Variants in MARCHF1 observed in about 807,000 individuals in gnomAD.
MARCHF1 encodes the protein E3 ubiquitin-protein ligase MARCHF1.
MARCHF1 carries 40 observed loss-of-function variants against 54.2 expected under a neutral mutation model. That is an observed-to-expected ratio of 0.74 (90% confidence interval 0.57 to 0.96). The LOEUF is 0.96. Among genes scored for constraint, MARCHF1 ranks in the 40% least tolerant of loss-of-function variants. The probability of loss-of-function intolerance (pLI) is 0.00; values close to 1 mark genes in which losing one functional copy is unlikely to be tolerated. For missense variants in MARCHF1, 586 were observed against 656.5 expected (o/e 0.89, Z 1.17); for synonymous variants, 236 against 236.3 (o/e 1.00, Z 0.01).
intron 1 of MARCHF1, among the ~76,000 whole-genome samples, chr4:164,332,934 TACAA>T (rs1421507447): frequency 6.6e-6 from 1 of 152,152 alleles, no homozygotes; most frequent in Non-Finnish European, 1.5e-5. Flanking sequence ...AATGAAAGTA[TACAA>T]ATATACTTTC....
At chr4:163,730,218 T>G (rs1432396254) in intron 4 of MARCHF1, among the ~76,000 whole-genome samples, 1 of 152,176 alleles carries the variant, frequency 6.6e-6, no homozygotes. Flanking sequence ...GTACTTTTCA[T>G]CTACAGAATC....
chr4:164,287,450 A>G (rs1237764625), intron 1 of MARCHF1, among the ~76,000 whole-genome samples: 2 of 152,204 alleles, frequency 1.3e-5, no homozygotes, highest in Non-Finnish European at 2.9e-5. Context: ...AACAGTGAAG[A>G]TGTCGTGGAA....
At chr4:163,613,602 C>A in intron 5 of MARCHF1, 13 of 1,449,460 alleles carry the variant, frequency 9.0e-6, no homozygotes, top group Non-Finnish European at 1.0e-5. Context: ...AGATGCTGCG[C>A]TATTTTGCTG....
At chr4:163,953,689 AC>A (rs1211200655) in intron 3 of MARCHF1, among the ~76,000 whole-genome samples, 2 of 152,152 alleles carry the variant, frequency 1.3e-5, no homozygotes, top group Non-Finnish European at 2.9e-5. Flanking sequence ...AATCCATCCT[AC>A]ATATTTTGCA....
At chr4:163,869,874 T>C (rs1036701907) in intron 3 of MARCHF1, among the ~76,000 whole-genome samples, 1 of 152,120 alleles carries the variant, frequency 6.6e-6, no homozygotes, top group African/African-American at 2.4e-5. Flanking sequence ...TCCATGACCC[T>C]GTGTGCATCA....
At chr4:164,254,611 C>T (rs1483066061) in intron 1 of MARCHF1, among the ~76,000 whole-genome samples, 1 of 151,894 alleles carries the variant, frequency 6.6e-6, no homozygotes, top group Non-Finnish European at 1.5e-5. Flanking sequence ...TGTATGATTA[C>T]AAGGTCCTAC....
intron 2 of MARCHF1, among the ~76,000 whole-genome samples, chr4:163,994,425 G>C (rs1753027794): frequency 6.6e-6 from 1 of 151,722 alleles, no homozygotes; most frequent in Admixed American, 6.6e-5. Context: ...AAGCCTAGTG[G>C]CACAGTTTCC....
intron 1 of MARCHF1, among the ~76,000 whole-genome samples, chr4:164,265,684 T>A (rs1733593639): frequency 6.6e-6 from 1 of 152,038 alleles, no homozygotes; most frequent in Non-Finnish European, 1.5e-5. Context: ...CTGCCTCATT[T>A]AATAACTCTT....
At chr4:163,654,592 C>T (rs915942456) in intron 5 of MARCHF1, among the ~76,000 whole-genome samples, 36 of 151,604 alleles carry the variant, frequency 2.4e-4, no homozygotes, top group Admixed American at 1.3e-4. Flanking sequence ...TGTTCTCATT[C>T]TATAGTGTTC....
Position 163,542,634 on chromosome 4 carries a change from G to C in MARCHF1, c.1339+2962C>G, listed in dbSNP as rs573047659. ...CAGGATGCTATGGGACTACGTGGTAGGGCAGTGACTCTCCATCCTTAGCCA... is the reference window on the plus strand; with the variant it reads ...CAGGATGCTATGGGACTACGTGGTACGGCAGTGACTCTCCATCCTTAGCCA... On this transcript the variant is annotated intron_variant, in intron 9 of 9. Coordinates refer to ENST00000514618, the MANE Select transcript of MARCHF1 (RefSeq NM_001394959.1). 2.6e-5 allele frequency among the ~76,000 whole-genome samples: 4 copies of C among 152,322 alleles called. No individual in the cohort carries two copies. The East Asian group carries it at 7.7e-4, about 29-fold the overall frequency.
At chr4:163,869,405 C>T (rs1347554535) in intron 3 of MARCHF1, among the ~76,000 whole-genome samples, 1 of 152,040 alleles carries the variant, frequency 6.6e-6, no homozygotes, top group Non-Finnish European at 1.5e-5. Context: ...ATATGATGAG[C>T]AGACTCAATT....
intron 2 of MARCHF1, among the ~76,000 whole-genome samples, chr4:164,097,452 T>A (rs779354412): frequency 6.6e-5 from 10 of 152,196 alleles, no homozygotes; most frequent in Admixed American, 2.0e-4. Context: ...ATTATAGATA[T>A]CATAAACTAT....
chr4:163,993,113 A>G (rs1049591687), intron 2 of MARCHF1, among the ~76,000 whole-genome samples: 4 of 152,268 alleles, frequency 2.6e-5, no homozygotes, highest in Non-Finnish European at 4.4e-5. Flanking sequence ...TGGGGAAATT[A>G]TGAAGCATAC....
chr4:164,361,656 A>G (rs1314642528), intron 1 of MARCHF1, among the ~76,000 whole-genome samples: 2 of 152,188 alleles, frequency 1.3e-5, no homozygotes, highest in Non-Finnish European at 2.9e-5. Flanking sequence ...AACGTATGCC[A>G]AAAGAATCCT....
At chr4:163,734,204 GA>G (rs1579240194) in intron 4 of MARCHF1, among the ~76,000 whole-genome samples, 2 of 152,164 alleles carry the variant, frequency 1.3e-5, no homozygotes, top group East Asian at 3.8e-4. Flanking sequence ...GGGAGAAATA[GA>G]AATCCTCACA....
chr4:164,099,004 A>G (rs1278617077), intron 2 of MARCHF1, among the ~76,000 whole-genome samples: 1 of 152,208 alleles, frequency 6.6e-6, no homozygotes, highest in African/African-American at 2.4e-5. Flanking sequence ...ATTATTTCAC[A>G]TATAGTTAAT....
Position 163,570,362 on chromosome 4 carries a change from A to G in MARCHF1, c.1191+15387T>C, listed in dbSNP as rs150679422. Reference sequence around the variant, plus strand: ...TATCATTATTTTCTAGGACTCTACAAAATACTTTTACTGACATCATTTTAT... The same window carrying G: ...TATCATTATTTTCTAGGACTCTACAGAATACTTTTACTGACATCATTTTAT... On this transcript the variant is annotated intron_variant, in intron 8 of 9. Coordinates refer to ENST00000514618, the MANE Select transcript of MARCHF1 (RefSeq NM_001394959.1). 3.4e-3 allele frequency among the ~76,000 whole-genome samples: 525 copies of G among 152,204 alleles called. 2 individuals are homozygous for G. The highest frequency in any genetic ancestry group is 9.6e-3 in the African/African-American group (399 of 41,532).
intron 3 of MARCHF1, among the ~76,000 whole-genome samples, chr4:163,985,364 T>TAA (rs1428972013): frequency 6.6e-6 from 1 of 152,166 alleles, no homozygotes; most frequent in African/African-American, 2.4e-5. Context: ...AAACTGGACA[T>TAA]AATATATTAT....
intron 1 of MARCHF1, among the ~76,000 whole-genome samples, chr4:164,295,948 A>G (rs1734399423): frequency 6.6e-6 from 1 of 152,184 alleles, no homozygotes; most frequent in Non-Finnish European, 1.5e-5. Context: ...TGGTGAATCT[A>G]AAAGCAAAAA....
Sources: gnomAD v4.1 joint callset for allele counts (sites outside exome capture counted in the v4.1 genomes callset) on GRCh38, gnomAD v4.1.1 for gene constraint, MANE v1.5 for transcripts, NCBI Gene and HGNC (gene_info 2026-07-23, HGNC 2026-07-21) for gene names.